The following ACSM3 variants were observed in gnomAD, a reference collection of about 807,000 sequenced individuals.
ACSM3 encodes acyl-coenzyme A synthetase ACSM3, mitochondrial.
Under a neutral mutation model 74.1 loss-of-function variants are expected in ACSM3, and 61 were observed. That is an observed-to-expected ratio of 0.82 (90% CI 0.67 to 1.02). ACSM3 has a LOEUF of 1.02. ACSM3 is among the 50% of genes least tolerant of loss of function. ACSM3 has a pLI of 0.00. For synonymous variants in ACSM3, 213 were observed against 241.5 expected (o/e 0.88, Z 1.09); for missense variants, 660 against 697.0 (o/e 0.95, Z 0.60).
At chr16:20,731,011 T>C (rs1236191540) in intron 1 of ACSM3, among the ~76,000 whole-genome samples, 1 of 152,088 alleles carries the variant, frequency 6.6e-6, no homozygotes, top group East Asian at 1.9e-4. Flanking sequence ...ACATGTGCAT[T>C]ATCGTGCCCT....
At chr16:20,685,270 T>G in intron 1 of ACSM3, 1 of 1,614,224 alleles carries the variant, frequency 6.2e-7, no homozygotes, top group South Asian at 1.1e-5. Context: ...GTCTCCCTGT[T>G]GTAGGCCACA....
chr16:20,743,699 T>C (rs1336751399), intron 1 of ACSM3: 1 of 152,214 alleles, frequency 6.6e-6, no homozygotes, highest in Non-Finnish European at 1.5e-5. Flanking sequence ...CAGCATTTAA[T>C]TTTCAGAATT....
intron 1 of ACSM3, among the ~76,000 whole-genome samples, chr16:20,725,891 T>C (rs1305697856): frequency 6.6e-6 from 1 of 152,088 alleles, no homozygotes; most frequent in Non-Finnish European, 1.5e-5. Context: ...GAGAATCGCT[T>C]GAACCCGGAA....
intron 1 of ACSM3, chr16:20,691,076 G>T (rs753078730): frequency 6.2e-7 from 1 of 1,613,710 alleles, no homozygotes; most frequent in African/African-American, 1.3e-5. Context: ...ATTCCATCTT[G>T]GGGCTCCAAA....
intron 1 of ACSM3, among the ~76,000 whole-genome samples, chr16:20,677,236 A>T (rs1356593433): frequency 1.3e-5 from 2 of 151,724 alleles, no homozygotes; most frequent in East Asian, 3.9e-4. Context: ...TAAAAAAAAA[A>T]AAAAAGCCTT....
At chr16:20,781,886 T>C (rs952610592) in intron 7 of ACSM3, 99 bp downstream of exon 7, 4 of 883,286 alleles carry the variant, frequency 4.5e-6, no homozygotes, top group Non-Finnish European at 7.2e-6. Context: ...TCCAAGCCAG[T>C]AGACACAGGA....
intron 3 of ACSM3, among the ~76,000 whole-genome samples, chr16:20,756,432 C>A (rs1325342306): frequency 2.6e-5 from 4 of 151,846 alleles, no homozygotes; most frequent in African/African-American, 9.7e-5. Flanking sequence ...TAAATGTCTT[C>A]TTTTGAGAAG....
intron 4 of ACSM3, chr16:20,779,823 G>A (rs576254166): frequency 4.9e-4 from 88 of 178,454 alleles, no homozygotes; most frequent in African/African-American, 2.1e-3. Context: ...CCAGGCTGGA[G>A]TACGGTGGCT....
intron 1 of ACSM3, chr16:20,738,049 ACAG>A: frequency 2.5e-6 from 3 of 1,203,710 alleles, no homozygotes; most frequent in Non-Finnish European, 3.5e-6. Flanking sequence ...ACATAAGTTG[ACAG>A]AAGAAATTCT....
intron 2 of ACSM3, 35 bp from the exon 3 acceptor site, chr16:20,775,804 A>G (rs1408096117): frequency 6.2e-7 from 1 of 1,607,966 alleles, no homozygotes; most frequent in Non-Finnish European, 8.5e-7. Context: ...CTGTATAACA[A>G]CCTTTAAATC....
chr16:20,715,905 C>T (rs1279201302), intron 1 of ACSM3, among the ~76,000 whole-genome samples: 10 of 152,326 alleles, frequency 6.6e-5, no homozygotes. Context: ...TGCTCCACAT[C>T]AGCCTGACTG....
At chr16:20,718,367 A>G in intron 1 of ACSM3, 1 of 962,178 alleles carries the variant, frequency 1.0e-6, no homozygotes. Flanking sequence ...TCTGAAGAGC[A>G]CAGCTGTGTG....
chr16:20,773,926 T>C (rs193169191), intron 2 of ACSM3, among the ~76,000 whole-genome samples: 1 of 152,316 alleles, frequency 6.6e-6, no homozygotes, highest in African/African-American at 2.4e-5. Context: ...TAATTTTCTG[T>C]CTAGATGATC....
chr16:20,772,718 G>C (rs2080208074), intron 2 of ACSM3, among the ~76,000 whole-genome samples: 1 of 152,286 alleles, frequency 6.6e-6, no homozygotes, highest in South Asian at 2.1e-4. Context: ...ATTGGTCTAT[G>C]CATCTGTTTT....
intron 1 of ACSM3, among the ~76,000 whole-genome samples, chr16:20,708,923 C>T (rs1567320979): frequency 6.6e-6 from 1 of 152,200 alleles, no homozygotes; most frequent in Non-Finnish European, 1.5e-5. Context: ...GTCTTAAAAA[C>T]AGACATATGC....
chr16:20,717,985 A>G (rs1228965321), intron 1 of ACSM3, among the ~76,000 whole-genome samples: 1 of 139,312 alleles, frequency 7.2e-6, no homozygotes, highest in Non-Finnish European at 1.6e-5. Context: ...GAAGAAGAAG[A>G]AGAAGAAGAA....
intron 1 of ACSM3, among the ~76,000 whole-genome samples, chr16:20,686,363 C>A (rs957689818): frequency 1.3e-5 from 2 of 151,956 alleles, no homozygotes; most frequent in Non-Finnish European, 2.9e-5. Flanking sequence ...GTCTAGAAAC[C>A]AGCCAAGGAT....
intron 1 of ACSM3, among the ~76,000 whole-genome samples, chr16:20,765,659 A>G (rs896107405): frequency 1.3e-5 from 2 of 152,150 alleles, no homozygotes; most frequent in African/African-American, 4.8e-5. Flanking sequence ...TCACAGCTAT[A>G]TTTTCAGCAT....
At chr16:20,694,378 T>C (rs2152343712) in intron 1 of ACSM3, among the ~76,000 whole-genome samples, 1 of 152,272 alleles carries the variant, frequency 6.6e-6, no homozygotes, top group African/African-American at 2.4e-5. Context: ...GTAAATTAAA[T>C]TTACATTCAA....
Sources: gnomAD v4.1 joint callset for allele counts (sites outside exome capture counted in the v4.1 genomes callset) on GRCh38, gnomAD v4.1.1 for gene constraint, MANE v1.5 for transcripts, NCBI Gene and HGNC (gene_info 2026-07-23, HGNC 2026-07-21) for gene names.